Variants in AMPD3 observed in about 807,000 individuals in gnomAD.
The protein encoded by AMPD3 is adenosine monophosphate deaminase 3.
Under a neutral mutation model 82.3 loss-of-function variants are expected in AMPD3, and 57 were observed. That is an observed-to-expected ratio of 0.69 (90% CI 0.56 to 0.86). The LOEUF (loss-of-function observed/expected upper bound fraction) is 0.86. AMPD3 is among the 40% of genes least tolerant of loss of function. The pLI is 0.00. For synonymous variants in AMPD3, 381 were observed against 394.7 expected (o/e 0.97, Z 0.41); for missense variants, 870 against 1,003.8 (o/e 0.87, Z 1.80).
In AMPD3 at chr11:10,487,322, G is replaced by A; in HGVS notation, c.897G>A (p.Glu299=). Residue 299 remains glutamate, a synonymous_variant, in exon 6 of 15, where the codon GAG becomes GAA. Coordinates refer to ENST00000396553, the MANE Select transcript of AMPD3 (RefSeq NM_001025389.2). Reference sequence around the variant, plus strand: ...TAAACGAAATGTCCGAGTTCAAAGAGTTGAAGAGTAACCCCCACCGGGACT... The same window carrying A: ...TAAACGAAATGTCCGAGTTCAAAGAATTGAAGAGTAACCCCCACCGGGACT... ...EMLNEMSEFK[E]LKSNPHRDFY... is the part of the protein sequence containing the mutation. The A allele has an allele frequency of 6.2e-7, 1 of 1,614,180 alleles. No homozygotes were observed. The highest frequency in any genetic ancestry group is 2.2e-5 in the East Asian group (1 of 44,858).
At position 10,455,429 on chromosome 11, in the gene AMPD3, C is replaced by T. The variant is rs576679601; in HGVS notation, c.-25C>T. On this transcript the variant is annotated 5_prime_UTR_variant, in exon 1 of 15. In the 5' UTR this introduces an upstream ATG that the reference lacks. Coordinates refer to ENST00000396553, the MANE Select transcript of AMPD3 (RefSeq NM_001025389.2). ...GCCAGCGCTCGGAGCTGGAGGCCCA[C>T]GTGGGAGCAGTGAGCGGCTGTAAGC... The T allele has an allele frequency of 3.0e-4, 292 of 972,178 alleles. 1 individual carries two copies. In the African/African-American group the frequency reaches 4.6e-3, roughly 15 times the overall value. 60.2% of individuals were successfully genotyped at this position (972,178 alleles called of 1,614,324 possible).
chr11:10,461,659 G>C lies in AMPD3; in HGVS notation c.140G>C (p.Cys47Ser), dbSNP rs1564838916. The change falls in exon 2 of 15, where the codon TGC (cysteine) becomes TCC (serine). Residue 47 changes from cysteine (C) to serine (S), a missense_variant. Coordinates refer to ENST00000396553, the MANE Select transcript of AMPD3 (RefSeq NM_001025389.2). ...TCCCTGTTCACTGTCCCAGAGGACT[G>C]CCCCATCGGGCAAAAGGAAGCCAAG... ...ALSLFTVPED[C>S]PIGQKEAKER... is the part of the protein sequence containing the mutation. 6.2e-7 allele frequency: 1 copy of C among 1,614,256 alleles called. No homozygotes were observed. Among genetic ancestry groups the C allele is most frequent in the Non-Finnish European group, 8.5e-7 (1 of 1,180,050 alleles).
rs150008422 is a variant in AMPD3, at chr11:10,474,582, C to T, written c.222-3944C>T. On this transcript the variant is annotated intron_variant, in intron 2 of 14. Coordinates refer to ENST00000396553, the MANE Select transcript of AMPD3 (RefSeq NM_001025389.2). Reference sequence around the variant, plus strand: ...GCCATAGAGCAGGTGGAGCACCAGACAGGTGCTGGGAGGTAAGATGCTGTA... The same window carrying T: ...GCCATAGAGCAGGTGGAGCACCAGATAGGTGCTGGGAGGTAAGATGCTGTA... 3.0e-3 allele frequency among the ~76,000 whole-genome samples: 463 copies of T among 152,326 alleles called. 2 individuals are homozygous for T. Among genetic ancestry groups the T allele is most frequent in the Middle Eastern group, 0.027 (8 of 294 alleles).
intron 6 of AMPD3, among the ~76,000 whole-genome samples, chr11:10,492,688 C>T (rs1187984943): frequency 6.6e-6 from 1 of 152,178 alleles, no homozygotes; most frequent in Non-Finnish European, 1.5e-5. Flanking sequence ...AGCTCCCAGT[C>T]TAGTGAAAGC....
At chr11:10,464,437 G>C (rs867842890) in intron 2 of AMPD3, among the ~76,000 whole-genome samples, 1 of 152,154 alleles carries the variant, frequency 6.6e-6, no homozygotes, top group African/African-American at 2.4e-5. Flanking sequence ...TTTGAATCTA[G>C]ACCCCACACT....
chr11:10,472,084 C>T (rs1489137311), intron 2 of AMPD3, among the ~76,000 whole-genome samples: 2 of 152,156 alleles, frequency 1.3e-5, no homozygotes, highest in Non-Finnish European at 2.9e-5. Flanking sequence ...GAAAATATGG[C>T]ACATATACAC....
chr11:10,484,941 G>T lies in AMPD3; in HGVS notation c.711G>T (p.Met237Ile). The change falls in exon 5 of 15, where the codon ATG (methionine) becomes ATT (isoleucine). Residue 237 changes from methionine (M) to isoleucine (I), a missense_variant. Physicochemically the swap from Met to Ile is conservative, Grantham distance 10 (BLOSUM62 1). Coordinates refer to ENST00000396553, the MANE Select transcript of AMPD3 (RefSeq NM_001025389.2). ...GILFVYDNKK[M>I]LEHQEPHSLP... ...TCTTTGTGTATGATAACAAGAAGAT[G>T]CTGGAGCACCAGGAGCCGCACAGCC... is the stretch of plus-strand genomic sequence containing the variant. 6.2e-7 allele frequency: 1 copy of T among 1,614,108 alleles called. No individual in the cohort carries two copies. Among genetic ancestry groups the T allele is most frequent in the Non-Finnish European group, 8.5e-7 (1 of 1,180,038 alleles).
chr11:10,481,624 G>A (rs1056439743), intron 3 of AMPD3: 1 of 537,206 alleles, frequency 1.9e-6, no homozygotes, highest in African/African-American at 2.1e-5. Flanking sequence ...AAAGGATACA[G>A]AGCAAATCAG....
At chr11:10,466,964 C>T (rs900543276) in intron 2 of AMPD3, among the ~76,000 whole-genome samples, 1 of 152,186 alleles carries the variant, frequency 6.6e-6, no homozygotes, top group African/African-American at 2.4e-5. Flanking sequence ...GGAAATCTAA[C>T]AAACAGAAAG....
intron 3 of AMPD3, chr11:10,479,850 T>G (rs1848850541): frequency 1.0e-6 from 1 of 960,058 alleles, no homozygotes; most frequent in Admixed American, 6.2e-5. Context: ...TGAGGATATA[T>G]CATAGCTTAT....
At chr11:10,488,915 G>A (rs978876312) in intron 6 of AMPD3, among the ~76,000 whole-genome samples, 1 of 152,202 alleles carries the variant, frequency 6.6e-6, no homozygotes, top group East Asian at 1.9e-4. Context: ...TATCAGCAAT[G>A]CAGATGGAAG....
chr11:10,477,266 C>A (rs927551248), intron 2 of AMPD3, among the ~76,000 whole-genome samples: 1 of 152,190 alleles, frequency 6.6e-6, no homozygotes, highest in Non-Finnish European at 1.5e-5. Flanking sequence ...TGAGTCCTTG[C>A]TGGTGGCTGT....
chr11:10,497,150 G>A (rs1328687214), intron 10 of AMPD3, among the ~76,000 whole-genome samples: 2 of 152,144 alleles, frequency 1.3e-5, no homozygotes, highest in Non-Finnish European at 1.5e-5. Flanking sequence ...GTGGGTGTGG[G>A]GGGATGGGGG....
chr11:10,450,903 G>C (rs955413030), upstream of AMPD3: 1 of 1,238,814 alleles, frequency 8.1e-7, no homozygotes, highest in Non-Finnish European at 1.0e-6. Context: ...CGCCTGCTGC[G>C]GGGCGCGGCC....
chr11:10,494,482 CGTT>C (rs1849331494), intron 7 of AMPD3: 2 of 840,714 alleles, frequency 2.4e-6, no homozygotes, highest in African/African-American at 1.9e-5. Flanking sequence ...AAATGGTAAA[CGTT>C]GTGTTGTACA....
intron 7 of AMPD3, 160 bp downstream of exon 7, chr11:10,493,703 G>A (rs754051931): frequency 4.7e-6 from 4 of 842,650 alleles, no homozygotes; most frequent in Non-Finnish European, 7.8e-6. Context: ...AGAATAACAG[G>A]TCTGGGGCAG....
At chr11:10,488,750 G>A (rs544012031) in intron 6 of AMPD3, among the ~76,000 whole-genome samples, 32 of 152,242 alleles carry the variant, frequency 2.1e-4, no homozygotes, top group South Asian at 4.1e-4. Flanking sequence ...TCACAGTGGG[G>A]TTGCCATCTC....
intron 6 of AMPD3, among the ~76,000 whole-genome samples, chr11:10,492,136 G>A (rs1849256906): frequency 6.6e-6 from 1 of 152,098 alleles, no homozygotes; most frequent in South Asian, 2.1e-4. Context: ...GATATAGAGG[G>A]CATGAGAAAT....
At chr11:10,497,290 A>AC (rs1849435454) in intron 10 of AMPD3, among the ~76,000 whole-genome samples, 1 of 109,070 alleles carries the variant, frequency 9.2e-6, no homozygotes, top group African/African-American at 3.2e-5. Flanking sequence ...CAGCAGCCTC[A>AC]GGTTTTTTTT....
Sources: allele counts gnomAD v4.1 joint callset (sites outside exome capture counted in the v4.1 genomes callset), GRCh38; gene constraint gnomAD v4.1.1; transcripts MANE v1.5; gene names NCBI Gene and HGNC (gene_info 2026-07-23, HGNC 2026-07-21).